Variants in GRIP1 observed in about 807,000 individuals in gnomAD.
The protein encoded by GRIP1 is glutamate receptor-interacting protein 1.
In GRIP1, 45 loss-of-function variants were observed where a neutral mutation model predicts 129.9. The observed-to-expected ratio is 0.35, with a 90% CI of 0.27 to 0.44. The LOEUF (loss-of-function observed/expected upper bound fraction) is 0.44, where lower values mean the gene tolerates loss of function less well. GRIP1 is among the 20% of genes least tolerant of loss of function. The pLI is 1.00. For synonymous variants in GRIP1, 530 were observed against 520.8 expected (o/e 1.02, Z -0.24); for missense variants, 1,196 against 1,396.8 (o/e 0.86, Z 2.29).
intron 1 of GRIP1, among the ~76,000 whole-genome samples, chr12:66,611,641 C>T (rs1291425847): frequency 6.6e-6 from 1 of 152,110 alleles, no homozygotes; most frequent in Non-Finnish European, 1.5e-5. Context: ...GATGTATAGC[C>T]ACTAAATGAT....
At chr12:66,523,555 G>A (rs2061103031) in intron 5 of GRIP1, among the ~76,000 whole-genome samples, 1 of 151,694 alleles carries the variant, frequency 6.6e-6, no homozygotes, top group Admixed American at 6.6e-5. Context: ...GGAACAACTG[G>A]TACCAGCCGC....
rs760124938 is a variant in GRIP1 at position 66,394,291 on chromosome 12, G to A, written c.2046C>T (p.Pro682=). The change falls in exon 17 of 25, where the codon CCC becomes CCT. Residue 682 remains proline, a synonymous_variant. Transcript: ENST00000359742. ...YTVELKRYGG[P]LGITISGTEE... ...CAGTTCCTGAAATTGTGATGCCAAG[G>A]GGCCCCCCGTAGCGTTTAAGCTCCA... The A allele has an allele frequency of 6.8e-6, 11 of 1,613,826 alleles. No individual in the cohort carries two copies. The highest frequency in any genetic ancestry group is 3.3e-5 in the Admixed American group (2 of 59,996).
chr12:66,683,552 T>C (rs995055350), upstream of GRIP1, among the ~76,000 whole-genome samples: 1 of 152,196 alleles, frequency 6.6e-6, no homozygotes, highest in African/African-American at 2.4e-5. Context: ...CTTTAGGAAG[T>C]GTCATTAGGA....
At chr12:66,662,397 C>G (rs942152840) in intron 1 of GRIP1, among the ~76,000 whole-genome samples, 1 of 152,154 alleles carries the variant, frequency 6.6e-6, no homozygotes, top group Non-Finnish European at 1.5e-5. Flanking sequence ...GGAAATCATG[C>G]ATAACCTGTT....
chr12:66,401,598 G>GTGTATATATATATATATATATATA lies in GRIP1; in HGVS notation c.1984+4684_1984+4685insTATATATATATATATATATATACA, dbSNP rs71096098. ...CCGTCTCAAAAAAAAAAATATGTGT[G>GTGTATATATATATATATATATATA]TATATATATATACACACACACACAC... is the stretch of plus-strand genomic sequence containing the variant. On this transcript the variant is annotated intron_variant, in intron 16 of 24. Transcript: ENST00000359742. Among the ~76,000 whole-genome samples the GTGTATATATATATATATATATATA allele has an allele frequency of 4.8e-4, 32 of 66,262 alleles. 2 individuals carry two copies. Among genetic ancestry groups the GTGTATATATATATATATATATATA allele is most frequent in the African/African-American group, 1.8e-3 (29 of 16,334 alleles). 43.5% of individuals were successfully genotyped at this position (66,262 alleles called of 152,430 possible). A position where few individuals can be genotyped will look rare whatever the true frequency, so the allele number is the denominator to read the frequency against.
intron 1 of GRIP1, among the ~76,000 whole-genome samples, chr12:66,606,275 C>T (rs1277150669): frequency 6.6e-6 from 1 of 152,086 alleles, no homozygotes; most frequent in Admixed American, 6.6e-5. Context: ...GAAAAGTAAA[C>T]CTCAGGTTGA....
intron 7 of GRIP1, among the ~76,000 whole-genome samples, chr12:66,494,995 T>C (rs2060196970): frequency 6.6e-6 from 1 of 152,144 alleles, no homozygotes; most frequent in Admixed American, 6.5e-5. Flanking sequence ...GCTATAACTA[T>C]TAGAGTTAAT....
At chr12:66,532,608 G>A (rs1228811820) in intron 4 of GRIP1, among the ~76,000 whole-genome samples, 1 of 152,102 alleles carries the variant, frequency 6.6e-6, no homozygotes, top group Admixed American at 6.6e-5. Flanking sequence ...ACAGACACAA[G>A]CAGAGGCTGG....
intron 1 of GRIP1, among the ~76,000 whole-genome samples, chr12:66,779,142 A>G (rs1263959416): frequency 1.3e-5 from 2 of 152,228 alleles, no homozygotes; most frequent in East Asian, 3.8e-4. Context: ...TTCAAGGAGA[A>G]AAACTGAAAT....
At chr12:67,043,506 A>AT (rs369532027) in intron 1 of GRIP1, among the ~76,000 whole-genome samples, 10 of 152,172 alleles carry the variant, frequency 6.6e-5, no homozygotes, top group African/African-American at 1.7e-4. Context: ...AAAGTCAAAG[A>AT]TTTTTTCCCC....
chr12:66,633,380 A>T (rs183568355), intron 1 of GRIP1, among the ~76,000 whole-genome samples: 1 of 149,264 alleles, frequency 6.7e-6, no homozygotes, highest in East Asian at 1.9e-4. Context: ...TGAACTCTTG[A>T]GCTCCAGCAA....
intron 1 of GRIP1, among the ~76,000 whole-genome samples, chr12:66,876,991 T>C (rs762887621): frequency 6.6e-6 from 1 of 152,096 alleles, no homozygotes; most frequent in Non-Finnish European, 1.5e-5. Context: ...TTTTAATATA[T>C]ATTGATTTTT....
intron 14 of GRIP1, among the ~76,000 whole-genome samples, chr12:66,426,607 G>A (rs1295595326): frequency 6.6e-6 from 1 of 152,002 alleles, no homozygotes; most frequent in Non-Finnish European, 1.5e-5. Context: ...TGACAGCCTC[G>A]CATATTAGAT....
intron 1 of GRIP1, among the ~76,000 whole-genome samples, chr12:66,760,472 T>C (rs1281014282): frequency 6.6e-6 from 1 of 152,188 alleles, no homozygotes; most frequent in Non-Finnish European, 1.5e-5. Context: ...AAAGCACTTC[T>C]TACGTGGCGG....
At chr12:66,421,798 T>A (rs1592827267) in intron 14 of GRIP1, among the ~76,000 whole-genome samples, 1 of 152,148 alleles carries the variant, frequency 6.6e-6, no homozygotes, top group South Asian at 2.1e-4. Flanking sequence ...CAGTTTTGGG[T>A]TTTTATCAAT....
intron 2 of GRIP1, among the ~76,000 whole-genome samples, chr12:66,588,618 T>C (rs1327607101): frequency 6.6e-6 from 1 of 152,150 alleles, no homozygotes; most frequent in Non-Finnish European, 1.5e-5. Context: ...CTGGGGTTTA[T>C]CCAAGGTCTA....
At chr12:66,865,203 T>C (rs1011510578) in intron 1 of GRIP1, among the ~76,000 whole-genome samples, 2 of 152,074 alleles carry the variant, frequency 1.3e-5, no homozygotes, top group Non-Finnish European at 2.9e-5. Flanking sequence ...AAATCCAATA[T>C]GAAAAAAGTT....
chr12:66,688,557 TTCTC>T (rs2034862623), intron 1 of GRIP1, among the ~76,000 whole-genome samples: 1 of 152,178 alleles, frequency 6.6e-6, no homozygotes, highest in South Asian at 2.1e-4. Context: ...ACTCTTGTGC[TTCTC>T]TCTTAGGAAA....
rs535131399 is a variant in GRIP1 at position 66,619,021 on chromosome 12, G to A, written c.56-22094C>T. 2.0e-5 allele frequency among the ~76,000 whole-genome samples: 3 copies of A among 152,258 alleles called. No homozygotes were observed. The South Asian group carries it at 6.2e-4, about 32-fold the overall frequency. On this transcript the variant is annotated intron_variant, in intron 1 of 24. Transcript: ENST00000359742. ...AACCGAAGCAAATACTCAGATAAAA[G>A]TGTAAACAACGTTTCCTTCAAGCTT...
Sources: gnomAD v4.1 joint callset for allele counts (sites outside exome capture counted in the v4.1 genomes callset) on GRCh38, gnomAD v4.1.1 for gene constraint, MANE v1.5 for transcripts, NCBI Gene and HGNC (gene_info 2026-07-23, HGNC 2026-07-21) for gene names.